DNAH7: variants seen among roughly 807,000 people sequenced by gnomAD.
DNAH7 encodes dynein axonemal heavy chain 7, also known as axonemal beta dynein heavy chain 7.
A neutral mutation model predicts 444.6 loss-of-function variants in DNAH7; 397 were observed. The ratio of observed to expected loss-of-function variants is 0.89; its 90% CI spans 0.82 to 0.97. The LOEUF (loss-of-function observed/expected upper bound fraction) is 0.97. Among genes scored for constraint, DNAH7 ranks in the 50% least tolerant of loss-of-function variants. DNAH7 has a pLI of 0.00. For synonymous variants in DNAH7, 1,636 were observed against 1,624.4 expected, an observed-to-expected ratio of 1.01 and a Z score of -0.17; for missense variants, 4,902 against 4,800.8, an observed-to-expected ratio of 1.02 and a Z score of -0.62.
chr2:196,061,221 G>A (rs554471656), intron 1 of DNAH7, among the ~76,000 whole-genome samples: 4 of 151,852 alleles, frequency 2.6e-5, no homozygotes, highest in African/African-American at 7.2e-5. Flanking sequence ...TCTGATCTTC[G>A]TGTGACAGAC....
intron 19 of DNAH7, among the ~76,000 whole-genome samples, chr2:195,951,177 C>T (rs756367692): frequency 4.6e-5 from 7 of 152,088 alleles, no homozygotes; most frequent in Non-Finnish European, 7.4e-5. Flanking sequence ...TTATTTATTT[C>T]TGCCTTAATT....
chr2:195,919,618 C>A (rs77992479), intron 24 of DNAH7, among the ~76,000 whole-genome samples: 1,696 of 152,186 alleles, frequency 0.011, 36 homozygotes, highest in East Asian at 0.067. Flanking sequence ...GTGCTGGGAT[C>A]ACAGGCATGA....
At chr2:195,841,881 G>GTGGGCTT (rs1474762152) in intron 47 of DNAH7, among the ~76,000 whole-genome samples, 1 of 151,894 alleles carries the variant, frequency 6.6e-6, no homozygotes, top group Non-Finnish European at 1.5e-5. Flanking sequence ...TGGTGCTTTT[G>GTGGGCTT]TGGGCTTTTT....
At chr2:195,819,241 T>C (rs1697355651) in intron 49 of DNAH7, among the ~76,000 whole-genome samples, 1 of 152,128 alleles carries the variant, frequency 6.6e-6, no homozygotes, top group South Asian at 2.1e-4. Flanking sequence ...CACTTCCTCA[T>C]AGGGGTCTTA....
chr2:195,877,941 A>G (rs980595777), intron 36 of DNAH7, among the ~76,000 whole-genome samples: 17 of 152,246 alleles, frequency 1.1e-4, no homozygotes, highest in African/African-American at 4.1e-4. Flanking sequence ...GTTTAGAATA[A>G]AAGTAGGAAT....
chr2:195,875,607 C>A, intron 38 of DNAH7, 68 bp downstream of exon 38: 1 of 1,433,502 alleles, frequency 7.0e-7, no homozygotes, highest in East Asian at 2.3e-5. Flanking sequence ...GATTTTTTTC[C>A]AGTTATTTCT....
In DNAH7 at chr2:196,035,542, G is replaced by A. The variant is rs563313331; in HGVS notation, c.399-7495C>T. Among the ~76,000 whole-genome samples the A allele has an allele frequency of 5.3e-5, 8 of 152,220 alleles. No individual in the cohort carries two copies. The South Asian group carries it at 1.0e-3, about 20-fold the overall frequency. On this transcript the variant is annotated intron_variant, in intron 5 of 64. Transcript: ENST00000312428. The stretch of plus-strand genomic sequence containing the variant: ...TTGTATGAAGTAGCTGAAGAGAGGC[G>A]CCCAGTGCCTGTCTTCTCCATAAAG...
chr2:196,023,174 A>T (rs1695481316), intron 8 of DNAH7, among the ~76,000 whole-genome samples: 1 of 152,062 alleles, frequency 6.6e-6, no homozygotes, highest in African/African-American at 2.4e-5. Flanking sequence ...TTCTCATGAG[A>T]TCTGGATGTT....
chr2:195,911,372 T>A (rs559780138), intron 24 of DNAH7, among the ~76,000 whole-genome samples: 1 of 152,240 alleles, frequency 6.6e-6, no homozygotes, highest in East Asian at 1.9e-4. Flanking sequence ...AACAGAAAAT[T>A]ATGCACTGAA....
intron 45 of DNAH7, among the ~76,000 whole-genome samples, chr2:195,854,361 G>T (rs1699571839): frequency 6.6e-6 from 1 of 152,034 alleles, no homozygotes; most frequent in South Asian, 2.1e-4. Flanking sequence ...GGTTATTTTG[G>T]AATAGGAATT....
At position 195,984,631 on chromosome 2, in the gene DNAH7, C is replaced by T. The variant is rs1157684679; in HGVS notation, c.1833+1G>A. The T allele has an allele frequency of 1.1e-5, 18 of 1,611,932 alleles. No homozygotes were observed. The highest frequency in any genetic ancestry group is 1.5e-5 in the Non-Finnish European group (18 of 1,178,292). On this transcript the variant is annotated splice_donor_variant, in intron 15 of 64. Coordinates refer to ENST00000312428, the MANE Select transcript of DNAH7 (RefSeq NM_018897.3). LOFTEE classifies it high-confidence loss of function. ...AATTATGGAGAAGCTATAAACAATA[C>T]CTTCATTTCCATTAGTTCTGCTGTA...
intron 5 of DNAH7, among the ~76,000 whole-genome samples, chr2:196,030,030 T>G (rs966806403): frequency 1.3e-5 from 2 of 152,192 alleles, no homozygotes; most frequent in African/African-American, 4.8e-5. Flanking sequence ...TTCACAAATT[T>G]CTGGAACCTG....
At chr2:196,012,659 T>C (rs538888991) in intron 10 of DNAH7, 128 bp downstream of exon 10, 43 of 930,142 alleles carry the variant, frequency 4.6e-5, no homozygotes, top group African/African-American at 6.9e-5. Context: ...ATTAAAGATA[T>C]TATATTTAAA....
chr2:195,936,626 A>T lies in DNAH7; in HGVS notation c.3245T>A (p.Ile1082Lys). 1 of 1,601,462 alleles carries T rather than the reference A, an allele frequency of 6.2e-7. No homozygotes were observed. The highest frequency in any genetic ancestry group is 8.5e-7 in the Non-Finnish European group (1 of 1,176,622). ...AGTGGGATCTTTAGTCTCAGATAGT[A>T]TCTCAAGAAGTTCATCATTGGACAA... The part of the protein sequence containing the change: ...FFLSNDELLE[I>K]LSETKDPTRV... The change falls in exon 20 of 65, where the codon ATA (isoleucine) becomes AAA (lysine). Residue 1082 changes from isoleucine (I) to lysine (K), a missense_variant. Physicochemically the swap from Ile to Lys is moderately radical, Grantham distance 102 (BLOSUM62 -3). Coordinates refer to ENST00000312428, the MANE Select transcript of DNAH7 (RefSeq NM_018897.3).
intron 19 of DNAH7, among the ~76,000 whole-genome samples, chr2:195,950,404 A>C (rs1357351762): frequency 6.6e-6 from 1 of 152,122 alleles, no homozygotes; most frequent in Non-Finnish European, 1.5e-5. Context: ...AGAGGTGTTT[A>C]TAGTAATCTC....
intron 36 of DNAH7, among the ~76,000 whole-genome samples, chr2:195,877,697 G>C (rs1287983947): frequency 6.6e-6 from 1 of 152,184 alleles, no homozygotes; most frequent in Non-Finnish European, 1.5e-5. Context: ...AGTACGAGGA[G>C]GCAGAACAAA....
At position 195,741,137 on chromosome 2, in the gene DNAH7, A is replaced by T. The variant is rs189298798; in HGVS notation, c.11765-268T>A. ...TTAAACAGGTCTATGGGAAGTTCTCAGTGTGTGTGTGTGAACATTATCAAA... is the reference window on the plus strand; with the variant it reads ...TTAAACAGGTCTATGGGAAGTTCTCTGTGTGTGTGTGTGAACATTATCAAA... On this transcript the variant is annotated intron_variant, in intron 63 of 64. Transcript: ENST00000312428. 225 of 180,970 alleles carry T rather than the reference A, an allele frequency of 1.2e-3. 1 individual carries two copies. Among genetic ancestry groups the T allele is most frequent in the Middle Eastern group, 6.3e-3 (3 of 474 alleles). 11.2% of individuals were successfully genotyped at this position (180,970 alleles called of 1,614,324 possible). A position where few individuals can be genotyped will look rare whatever the true frequency, so the allele number is the denominator to read the frequency against.
Position 195,923,685 on chromosome 2 carries a change from A to G in DNAH7, c.3735T>C (p.His1245=). The G allele has an allele frequency of 6.2e-7, 1 of 1,614,138 alleles. No individual in the cohort carries two copies. Among genetic ancestry groups the G allele is most frequent in the Non-Finnish European group, 8.5e-7 (1 of 1,180,022 alleles). ...CAAGTGATGAGAGGACATCTCTAGCATGGACATCCAGTACCACAAGTGCTC... is the reference window on the plus strand; with the variant it reads ...CAAGTGATGAGAGGACATCTCTAGCGTGGACATCCAGTACCACAAGTGCTC... ...TLGALVVLDV[H]ARDVLSSLVK... Residue 1245 remains histidine (H), a synonymous_variant, in exon 23 of 65, where the codon CAT becomes CAC. Coordinates refer to ENST00000312428, the MANE Select transcript of DNAH7 (RefSeq NM_018897.3).
chr2:195,968,343 T>G (rs908958407), intron 17 of DNAH7, among the ~76,000 whole-genome samples: 1 of 152,142 alleles, frequency 6.6e-6, no homozygotes, highest in Non-Finnish European at 1.5e-5. Flanking sequence ...CTGCCAGGAT[T>G]GTGTCCTTCC....
Sources: gnomAD v4.1 joint callset for allele counts (sites outside exome capture counted in the v4.1 genomes callset) on GRCh38, gnomAD v4.1.1 for gene constraint, MANE v1.5 for transcripts, NCBI Gene and HGNC (gene_info 2026-07-23, HGNC 2026-07-21) for gene names.